MANBA: variants seen among roughly 807,000 people sequenced by gnomAD.
The protein encoded by MANBA is mannosidase beta.
A neutral mutation model predicts 111.1 loss-of-function variants in MANBA; 83 were observed. The ratio of observed to expected loss-of-function variants is 0.75; its 90% CI spans 0.63 to 0.90. The LOEUF (loss-of-function observed/expected upper bound fraction) is 0.90, where lower values mean the gene tolerates loss of function less well. MANBA is among the 40% of genes least tolerant of loss of function. The probability of loss-of-function intolerance (pLI) is 0.00; values close to 1 mark genes in which losing one functional copy is unlikely to be tolerated. For synonymous variants in MANBA, 370 were observed against 378.7 expected, an observed-to-expected ratio of 0.98 and a Z score of 0.27; for missense variants, 1,036 against 1,069.0, an observed-to-expected ratio of 0.97 and a Z score of 0.43.
chr4:102,645,975 ACAGTTTAAAAAG>A (rs1434219403), intron 13 of MANBA, among the ~76,000 whole-genome samples: 3 of 152,180 alleles, frequency 2.0e-5, no homozygotes, highest in African/African-American at 7.2e-5. Context: ...ATAGAATATT[ACAGTTTAAAAAG>A]CAGAAACCCT....
At chr4:102,653,771 G>A (rs1730442287) in intron 12 of MANBA, among the ~76,000 whole-genome samples, 1 of 152,158 alleles carries the variant, frequency 6.6e-6, no homozygotes, top group Non-Finnish European at 1.5e-5. Context: ...TCCATTATTT[G>A]AAGGAGGCCA....
At chr4:102,758,906 T>C (rs974893444) in intron 1 of MANBA, among the ~76,000 whole-genome samples, 5 of 152,138 alleles carry the variant, frequency 3.3e-5, no homozygotes, top group African/African-American at 9.7e-5. Context: ...TTGAGACCCA[T>C]GGCCACCTGA....
chr4:102,720,461 C>T (rs1408141267), intron 4 of MANBA, among the ~76,000 whole-genome samples: 4 of 150,542 alleles, frequency 2.7e-5, no homozygotes, highest in African/African-American at 4.9e-5. Context: ...AAAAATTAGC[C>T]GGGCATGGTG....
At chr4:102,650,942 GA>G (rs1469931430) in intron 12 of MANBA, 1 of 462,138 alleles carries the variant, frequency 2.2e-6, no homozygotes, top group East Asian at 3.7e-5. Context: ...CTCCAACTAA[GA>G]AAGTTATATT....
intron 13 of MANBA, among the ~76,000 whole-genome samples, chr4:102,642,499 C>T (rs1350595794): frequency 1.3e-5 from 2 of 151,806 alleles, no homozygotes; most frequent in Non-Finnish European, 2.9e-5. Context: ...CCCAGCTACT[C>T]GGGAAGCTGA....
chr4:102,650,959 G>T, intron 12 of MANBA: 1 of 419,724 alleles, frequency 2.4e-6, no homozygotes. Flanking sequence ...ATATTTTGAT[G>T]TTTCTCTTAA....
chr4:102,704,836 C>A lies in MANBA; in HGVS notation c.673+9602G>T, dbSNP rs576521738. Among the ~76,000 whole-genome samples, 355 of 152,194 alleles carry A rather than the reference C, an allele frequency of 2.3e-3. 2 individuals carry two copies. The highest frequency in any genetic ancestry group is 8.0e-3 in the African/African-American group (332 of 41,518). On this transcript the variant is annotated intron_variant, in intron 5 of 16. Coordinates refer to ENST00000647097, the MANE Select transcript of MANBA (RefSeq NM_005908.4). ...TTACATCAAACAACCAAATTGATAA[C>A]TATAAAATTAATTAGAAATATAGGA...
At chr4:102,673,467 G>A (rs932039486) in intron 8 of MANBA, among the ~76,000 whole-genome samples, 5 of 149,022 alleles carry the variant, frequency 3.4e-5, no homozygotes, top group Admixed American at 6.7e-5. Context: ...GAGATCACGC[G>A]ACTGCACTCC....
intron 5 of MANBA, among the ~76,000 whole-genome samples, chr4:102,693,736 A>G (rs1732584753): frequency 6.6e-6 from 1 of 152,154 alleles, no homozygotes; most frequent in African/African-American, 2.4e-5. Context: ...ACAGATGCCT[A>G]AACTATTTTA....
chr4:102,645,514 G>T (rs1560745148), intron 13 of MANBA, among the ~76,000 whole-genome samples: 3 of 151,800 alleles, frequency 2.0e-5, no homozygotes, highest in Non-Finnish European at 1.5e-5. Flanking sequence ...TTACGGGAAG[G>T]TTTTTTTGTT....
At position 102,650,855 on chromosome 4, in the gene MANBA, A is replaced by G. The variant is rs1005362217; in HGVS notation, c.1705-154T>C. ...AGTTTCATAAATGTTTTACCATCCTACTTGTTGCCAGTGAAGGACTAGCCT... is the reference window on the plus strand; with the variant it reads ...AGTTTCATAAATGTTTTACCATCCTGCTTGTTGCCAGTGAAGGACTAGCCT... On this transcript the variant is annotated intron_variant, in intron 12 of 16. Coordinates refer to ENST00000647097, the MANE Select transcript of MANBA (RefSeq NM_005908.4). The G allele has an allele frequency of 4.4e-5, 29 of 654,268 alleles. 1 individual carries two copies. In the East Asian group the frequency reaches 7.7e-4, roughly 17 times the overall value. The allele number at this position is 654,268 out of a possible 1,614,324, so 40.5% of individuals were successfully genotyped here.
chr4:102,636,769 A>G (rs2110190564), intron 14 of MANBA, among the ~76,000 whole-genome samples: 1 of 152,320 alleles, frequency 6.6e-6, no homozygotes, highest in Admixed American at 6.5e-5. Context: ...GCCAGGGTTT[A>G]GAAAACAGCC....
At chr4:102,752,019 C>G in intron 1 of MANBA, 1 of 743,130 alleles carries the variant, frequency 1.3e-6, no homozygotes, top group East Asian at 2.6e-5. Context: ...TTTGTAGTGG[C>G]TCCTGGGATA....
chr4:102,662,859 G>A (rs998490143), intron 11 of MANBA: 4 of 153,408 alleles, frequency 2.6e-5, no homozygotes, highest in Admixed American at 6.5e-5. Context: ...TTGTTGCCAA[G>A]ATAATTAATG....
At chr4:102,657,646 C>T (rs1358743147) in intron 12 of MANBA, 36 bp downstream of exon 12, 1 of 1,493,706 alleles carries the variant, frequency 6.7e-7, no homozygotes, top group African/African-American at 1.4e-5. Context: ...CACAGTCTAT[C>T]ATTCTGAAAC....
chr4:102,672,003 G>T, intron 8 of MANBA: 1 of 399,128 alleles, frequency 2.5e-6, no homozygotes. Flanking sequence ...ACCACGGCAG[G>T]CTTACCAATT....
At chr4:102,686,303 G>T (rs1732213867) in intron 7 of MANBA, among the ~76,000 whole-genome samples, 1 of 152,074 alleles carries the variant, frequency 6.6e-6, no homozygotes, top group Non-Finnish European at 1.5e-5. Context: ...GCTCCAATTT[G>T]AATCCACTGT....
At chr4:102,632,909 T>C (rs776603537) in intron 16 of MANBA, among the ~76,000 whole-genome samples, 8 of 152,158 alleles carry the variant, frequency 5.3e-5, no homozygotes, top group Admixed American at 1.3e-4. Context: ...ATGCCCAGAG[T>C]GAGGATGCGC....
chr4:102,643,942 C>A (rs1371092287), intron 13 of MANBA, among the ~76,000 whole-genome samples: 1 of 152,020 alleles, frequency 6.6e-6, no homozygotes, highest in Non-Finnish European at 1.5e-5. Flanking sequence ...TGGTTAATTT[C>A]TTTGATGGCA....
Sources: allele counts gnomAD v4.1 joint callset (sites outside exome capture counted in the v4.1 genomes callset), GRCh38; gene constraint gnomAD v4.1.1; transcripts MANE v1.5; gene names NCBI Gene and HGNC (gene_info 2026-07-23, HGNC 2026-07-21).